Variants in MAS1L observed in about 807,000 individuals in gnomAD.
MAS1L encodes the protein mas-related G protein-coupled receptor MRG.
For missense variants in MAS1L, 441 were observed against 460.1 expected (o/e 0.96, Z 0.38); for synonymous variants, 160 against 182.9 (o/e 0.87, Z 1.01).
Position 29,487,148 on chromosome 6 carries a change from C to A in MAS1L, c.755G>T (p.Cys252Phe). 2 of 1,614,016 alleles carry A rather than the reference C, an allele frequency of 1.2e-6. No homozygotes were observed. Among genetic ancestry groups the A allele is most frequent in the Non-Finnish European group, 1.7e-6 (2 of 1,179,998 alleles). Residue 252 changes from cysteine to phenylalanine, a missense_variant, in exon 1 of 1, where the codon TGC (cysteine) becomes TTC (phenylalanine). Coordinates refer to ENST00000377127, the MANE Select transcript of MAS1L (RefSeq NM_052967.2). Reference protein sequence around the residue: ...SSLTLLIRFLCCSQQQKATRV... With the variant: ...SSLTLLIRFLFCSQQQKATRV... ...GGTGGCCTTTTGCTGCTGGGAGCAG[C>A]ACAGGAATCTAATGAGTAGAGTCAG...
Position 29,487,192 on chromosome 6 carries a change from A to G in MAS1L, c.711T>C (p.Leu237=). 1 of 1,614,158 alleles carries G rather than the reference A, an allele frequency of 6.2e-7. No homozygotes were observed. Among genetic ancestry groups the G allele is most frequent in the Non-Finnish European group, 8.5e-7 (1 of 1,180,036 alleles). Residue 237 remains leucine (L), a synonymous_variant, in exon 1 of 1, where the codon CTT becomes CTC. Coordinates refer to ENST00000377127, the MANE Select transcript of MAS1L (RefSeq NM_052967.2). The part of the protein sequence containing the change: ...LSGLFHAILS[L]VMCVSSLTLL... Reference sequence around the variant, plus strand: ...GAGTCAGACTCGACACACACATCACAAGTGAAAGGATAGCATGGAAGAGCC... The same window carrying G: ...GAGTCAGACTCGACACACACATCACGAGTGAAAGGATAGCATGGAAGAGCC...
rs546803745 is a variant in MAS1L, at chr6:29,487,303, C to T, written c.600G>A (p.Leu200=). ...ATTTTACTATGTTGATGCAAAAAGGCAGGCCCCAGATGAGGGTGCAGACAA... is the reference window on the plus strand; with the variant it reads ...ATTTTACTATGTTGATGCAAAAAGGTAGGCCCCAGATGAGGGTGCAGACAA... The part of the protein sequence containing the change: ...SNVVCTLIWG[L]PFCINIVKSL... Residue 200 remains leucine (L), a synonymous_variant, in exon 1 of 1, where the codon CTG becomes CTA. Coordinates refer to ENST00000377127, the MANE Select transcript of MAS1L (RefSeq NM_052967.2). 3.1e-6 allele frequency: 5 copies of T among 1,614,128 alleles called. No individual in the cohort carries two copies. Among genetic ancestry groups the T allele is most frequent in the South Asian group, 2.2e-5 (2 of 91,074 alleles).
chr6:29,486,987 T>C lies in MAS1L; in HGVS notation c.916A>G (p.Asn306Asp). ...SYLISLFLII[N>D]SSANPIIYFF... ...TAAATGATAGGGTTGGCGCTGCTGT[T>C]TATAATGAGGAACAAGGAAATTAAA... is the stretch of plus-strand genomic sequence containing the variant. The change falls in exon 1 of 1, where the codon AAC (asparagine) becomes GAC (aspartate). Residue 306 changes from asparagine (N) to aspartate (D), a missense_variant. By Grantham distance (23) the Asn-to-Asp change is conservative. Coordinates refer to ENST00000377127, the MANE Select transcript of MAS1L (RefSeq NM_052967.2). 6.2e-7 allele frequency: 1 copy of C among 1,614,044 alleles called. No individual in the cohort carries two copies. The highest frequency in any genetic ancestry group is 8.5e-7 in the Non-Finnish European group (1 of 1,180,002).
In MAS1L at chr6:29,487,208, TGGAAGA is replaced by T. The variant is rs1426315876; in HGVS notation, c.689_694del (p.Leu230_Phe231del). On this transcript the variant is annotated inframe_deletion, in exon 1 of 1. Transcript: ENST00000377127. ...ACACATCACAAGTGAAAGGATAGCA[TGGAAGA>T]GCCCAGAAAGCTTTAGAAATATGAC... 1.9e-6 allele frequency: 3 copies of T among 1,613,934 alleles called. No homozygotes were observed. The highest frequency in any genetic ancestry group is 2.5e-6 in the Non-Finnish European group (3 of 1,180,012).
In MAS1L at chr6:29,487,773, C is replaced by A; in HGVS notation, c.130G>T (p.Val44Leu). 6.2e-7 allele frequency: 1 copy of A among 1,614,230 alleles called. No homozygotes were observed. Among genetic ancestry groups the A allele is most frequent in the South Asian group, 1.1e-5 (1 of 91,086 alleles). Residue 44 changes from valine (V) to leucine (L), a missense_variant, in exon 1 of 1, where the codon GTA becomes TTA. Transcript: ENST00000377127. ...AGAAAGACGCCACAGAGCTGAGATA[C>A]CAGGTTTGGGTTCTGTGCCTCCTGG... is the stretch of plus-strand genomic sequence containing the variant. ...GDQEAQNPNL[V>L]SQLCGVFLQN... is the part of the protein sequence containing the mutation.
In MAS1L at chr6:29,487,644, G is replaced by C. The variant is rs747991120; in HGVS notation, c.259C>G (p.Leu87Val). ...IIAPKAVLVS[L>V]CGVLLNGTVF... ...GTGCCATTCAATAAGACCCCACAGA[G>C]GGAGACCAGCACAGCCTTGGGGGCA... is the stretch of plus-strand genomic sequence containing the variant. Residue 87 changes from leucine to valine, a missense_variant, in exon 1 of 1, where the codon CTC (leucine) becomes GTC (valine). Transcript: ENST00000377127. The C allele has an allele frequency of 6.2e-7, 1 of 1,614,196 alleles. No individual in the cohort carries two copies. Among genetic ancestry groups the C allele is most frequent in the Admixed American group, 1.7e-5 (1 of 60,022 alleles).
chr6:29,487,123 G>A lies in MAS1L; in HGVS notation c.780C>T (p.Thr260=). 3 of 1,614,062 alleles carry A rather than the reference G, an allele frequency of 1.9e-6. No homozygotes were observed. The highest frequency in any genetic ancestry group is 1.7e-6 in the Non-Finnish European group (2 of 1,179,992). Residue 260 remains threonine, a synonymous_variant, in exon 1 of 1, where the codon ACC becomes ACT. Coordinates refer to ENST00000377127, the MANE Select transcript of MAS1L (RefSeq NM_052967.2). ...FLCCSQQQKA[T]RVYAVVQISA... ...AGATCTGCACCACCGCATAGACCCTGGTGGCCTTTTGCTGCTGGGAGCAGC... is the reference window on the plus strand; with the variant it reads ...AGATCTGCACCACCGCATAGACCCTAGTGGCCTTTTGCTGCTGGGAGCAGC...
chr6:29,487,869 T>G lies in MAS1L; in HGVS notation c.34A>C (p.Arg12=). The G allele has an allele frequency of 6.2e-7, 1 of 1,612,064 alleles. No homozygotes were observed. Among genetic ancestry groups the G allele is most frequent in the Non-Finnish European group, 8.5e-7 (1 of 1,179,390 alleles). ...TCAGCAAACACTGTCCATCCAGCCCTCTGGCTGAACCAGCAAATTTTCCCC... is the reference window on the plus strand; with the variant it reads ...TCAGCAAACACTGTCCATCCAGCCCGCTGGCTGAACCAGCAAATTTTCCCC... ...VWGKICWFSQ[R]AGWTVFAESQ... The change falls in exon 1 of 1, where the codon AGG becomes CGG. Residue 12 remains arginine, a synonymous_variant. Transcript: ENST00000377127.
Position 29,487,612 on chromosome 6 carries a change from G to T in MAS1L, c.291C>A (p.Phe97Leu). The stretch of plus-strand genomic sequence containing the variant: ...TCGTGGCCCCACAGCAAAGCAGCCA[G>T]AAGACAGTGCCATTCAATAAGACCC... ...LCGVLLNGTV[F>L]WLLCCGATNP... The change falls in exon 1 of 1, where the codon TTC becomes TTA. Residue 97 changes from phenylalanine to leucine, a missense_variant. Coordinates refer to ENST00000377127, the MANE Select transcript of MAS1L (RefSeq NM_052967.2). 6.2e-7 allele frequency: 1 copy of T among 1,614,232 alleles called. No homozygotes were observed. The highest frequency in any genetic ancestry group is 1.7e-5 in the Admixed American group (1 of 60,030).
chr6:29,487,629 A>G lies in MAS1L; in HGVS notation c.274T>C (p.Leu92=), dbSNP rs1191754758. The G allele has an allele frequency of 6.2e-7, 1 of 1,614,234 alleles. No individual in the cohort carries two copies. The highest frequency in any genetic ancestry group is 8.5e-7 in the Non-Finnish European group (1 of 1,180,036). Residue 92 remains leucine, a synonymous_variant, in exon 1 of 1, where the codon TTG becomes CTG. Transcript: ENST00000377127. ...AGCAGCCAGAAGACAGTGCCATTCA[A>G]TAAGACCCCACAGAGGGAGACCAGC... The part of the protein sequence containing the change: ...AVLVSLCGVL[L]NGTVFWLLCC...
rs763441027 is a variant in MAS1L at position 29,487,792 on chromosome 6, C to T, written c.111G>A (p.Glu37=). The stretch of plus-strand genomic sequence containing the variant: ...GAGATACCAGGTTTGGGTTCTGTGC[C>T]TCCTGGTCACCACTGTGGAGACAAA... ...CSLCLHSGDQ[E]AQNPNLVSQL... Residue 37 remains glutamate (E), a synonymous_variant, in exon 1 of 1, where the codon GAG becomes GAA. Coordinates refer to ENST00000377127, the MANE Select transcript of MAS1L (RefSeq NM_052967.2). 2 of 1,614,252 alleles carry T rather than the reference C, an allele frequency of 1.2e-6. No homozygotes were observed. The highest frequency in any genetic ancestry group is 2.2e-5 in the East Asian group (1 of 44,888).
At position 29,487,063 on chromosome 6, in the gene MAS1L, C is replaced by T. The variant is rs565293937; in HGVS notation, c.840G>A (p.Leu280=). Residue 280 remains leucine (L), a synonymous_variant, in exon 1 of 1, where the codon CTG becomes CTA. Transcript: ENST00000377127. The part of the protein sequence containing the change: ...APMFLLWALP[L]SVAPLITDFK... ...AATCTGTTATGAGGGGTGCCACGCT[C>T]AGGGGTAGGGCCCAGAGTAGGAACA... 4.2e-5 allele frequency: 68 copies of T among 1,613,978 alleles called. No homozygotes were observed. In the South Asian group the frequency reaches 6.0e-4, roughly 14 times the overall value.
chr6:29,487,646 G>C lies in MAS1L; in HGVS notation c.257C>G (p.Ser86Cys). Residue 86 changes from serine (S) to cysteine (C), a missense_variant, in exon 1 of 1, where the codon TCC (serine) becomes TGC (cysteine). Coordinates refer to ENST00000377127, the MANE Select transcript of MAS1L (RefSeq NM_052967.2). ...GCCATTCAATAAGACCCCACAGAGGGAGACCAGCACAGCCTTGGGGGCAAT... is the reference window on the plus strand; with the variant it reads ...GCCATTCAATAAGACCCCACAGAGGCAGACCAGCACAGCCTTGGGGGCAAT... Reference protein sequence around the residue: ...NIIAPKAVLVSLCGVLLNGTV... With the variant: ...NIIAPKAVLVCLCGVLLNGTV... 1 of 1,614,214 alleles carries C rather than the reference G, an allele frequency of 6.2e-7. No individual in the cohort carries two copies. The highest frequency in any genetic ancestry group is 8.5e-7 in the Non-Finnish European group (1 of 1,180,048).
rs778887057 is a variant in MAS1L, at chr6:29,487,621, G to C, written c.282C>G (p.Gly94=). ...LVSLCGVLLN[G]TVFWLLCCGA... ...CACAGCAAAGCAGCCAGAAGACAGT[G>C]CCATTCAATAAGACCCCACAGAGGG... Residue 94 remains glycine (G), a synonymous_variant, in exon 1 of 1, where the codon GGC becomes GGG. Transcript: ENST00000377127. The C allele has an allele frequency of 2.5e-6, 4 of 1,614,202 alleles. No individual in the cohort carries two copies. The East Asian group carries it at 8.9e-5, about 36-fold the overall frequency.
Position 29,487,390 on chromosome 6 carries a change from C to T in MAS1L, c.513G>A (p.Arg171=), listed in dbSNP as rs554235057. The change falls in exon 1 of 1, where the codon CGG becomes CGA. Residue 171 remains arginine (R), a synonymous_variant. Transcript: ENST00000377127. ...AGATGGGGAAGAGGACACACACACA[C>T]CGCTCTGTGCTGATGGCCACCAGGA... ...LCLLVAISTE[R]CVCVLFPIWY... The T allele has an allele frequency of 3.7e-6, 6 of 1,613,980 alleles. No homozygotes were observed. In the East Asian group the frequency reaches 6.7e-5, roughly 18 times the overall value.
chr6:29,487,306 G>A lies in MAS1L; in HGVS notation c.597C>T (p.Gly199=). 1 of 1,614,142 alleles carries A rather than the reference G, an allele frequency of 6.2e-7. No homozygotes were observed. The highest frequency in any genetic ancestry group is 2.2e-5 in the East Asian group (1 of 44,876). ...TSNVVCTLIW[G]LPFCINIVKS... ...TTACTATGTTGATGCAAAAAGGCAG[G>A]CCCCAGATGAGGGTGCAGACAACAT... The change falls in exon 1 of 1, where the codon GGC becomes GGT. Residue 199 remains glycine, a synonymous_variant. Transcript: ENST00000377127.
At position 29,487,143 on chromosome 6, in the gene MAS1L, A is replaced by G. The variant is rs1789339179; in HGVS notation, c.760T>C (p.Ser254Pro). ...LTLLIRFLCC[S>P]QQQKATRVYA... ...ACCCTGGTGGCCTTTTGCTGCTGGG[A>G]GCAGCACAGGAATCTAATGAGTAGA... The change falls in exon 1 of 1, where the codon TCC becomes CCC. Residue 254 changes from serine to proline, a missense_variant. Ser to Pro is a moderately conservative substitution (Grantham distance 74). Coordinates refer to ENST00000377127, the MANE Select transcript of MAS1L (RefSeq NM_052967.2). The G allele has an allele frequency of 6.2e-7, 1 of 1,614,108 alleles. No homozygotes were observed. Among genetic ancestry groups the G allele is most frequent in the Non-Finnish European group, 8.5e-7 (1 of 1,180,014 alleles).
At position 29,487,264 on chromosome 6, in the gene MAS1L, A is replaced by G; in HGVS notation, c.639T>C (p.Thr213=). ...CINIVKSLFL[T]YWKHVKACVI... ...CACATGCCTTTACATGTTTCCAGTA[A>G]GTTAGGAAAAGTGATTTTACTATGT... The change falls in exon 1 of 1, where the codon ACT becomes ACC. Residue 213 remains threonine (T), a synonymous_variant. Transcript: ENST00000377127. The G allele has an allele frequency of 2.5e-6, 4 of 1,614,144 alleles. No homozygotes were observed. The highest frequency in any genetic ancestry group is 3.3e-4 in the Middle Eastern group (2 of 6,062).
Position 29,486,784 on chromosome 6 carries a change from C to G in MAS1L, c.1119G>C (p.Arg373Ser), listed in dbSNP as rs748912234. Residue 373 changes from arginine (R) to serine (S), a missense_variant, in exon 1 of 1, where the codon AGG becomes AGC. Physicochemically the swap from Arg to Ser is moderately radical, Grantham distance 110 (BLOSUM62 -1). Coordinates refer to ENST00000377127, the MANE Select transcript of MAS1L (RefSeq NM_052967.2). ...TGGGAAATTATGTTTCCACATCGAC[C>G]CTGTGCTCCCTGGGAAGAAGGTTCT... Reference protein sequence around the residue: ...HVENLLPREHRVDVET With the variant: ...HVENLLPREHSVDVET The G allele has an allele frequency of 1.2e-6, 2 of 1,613,064 alleles. No individual in the cohort carries two copies. The highest frequency in any genetic ancestry group is 2.2e-5 in the East Asian group (1 of 44,868).
Sources: allele counts gnomAD v4.1 joint callset, GRCh38; gene constraint gnomAD v4.1.1; transcripts MANE v1.5; gene names NCBI Gene and HGNC (gene_info 2026-07-23, HGNC 2026-07-21).